The following ULK4 variants were observed in gnomAD, a reference collection of about 807,000 sequenced individuals.
ULK4 encodes unc-51 like kinase 4, also known as inactive serine/threonine-protein kinase ULK4.
In ULK4, 133 loss-of-function variants were observed where a neutral mutation model predicts 160.6. The ratio of observed to expected loss-of-function variants is 0.83; its 90% CI spans 0.72 to 0.96. The LOEUF (loss-of-function observed/expected upper bound fraction) is 0.96. Among genes scored for constraint, ULK4 ranks in the 40% least tolerant of loss-of-function variants. ULK4 has a pLI of 0.00. For synonymous variants in ULK4, 534 were observed against 539.8 expected, an observed-to-expected ratio of 0.99 and a Z score of 0.15; for missense variants, 1,580 against 1,499.5, an observed-to-expected ratio of 1.05 and a Z score of -0.89.
intron 35 of ULK4, among the ~76,000 whole-genome samples, chr3:41,391,211 A>T (rs1046088184): frequency 6.6e-6 from 1 of 152,140 alleles, no homozygotes; most frequent in African/African-American, 2.4e-5. Context: ...ATGCTTATCC[A>T]GTGGAACTAC....
chr3:41,772,049 A>G (rs1012787444), intron 21 of ULK4, among the ~76,000 whole-genome samples: 5 of 152,186 alleles, frequency 3.3e-5, no homozygotes, highest in East Asian at 1.9e-4. Context: ...TTATACCAGA[A>G]TCTCTGGGAC....
intron 17 of ULK4, among the ~76,000 whole-genome samples, chr3:41,853,859 C>T (rs147181395): frequency 1.2e-4 from 19 of 152,300 alleles, no homozygotes; most frequent in African/African-American, 4.1e-4. Flanking sequence ...GTTAAGTCTC[C>T]ACCCCAAAGT....
chr3:41,714,987 A>C (rs540706042), intron 25 of ULK4, among the ~76,000 whole-genome samples: 1 of 152,300 alleles, frequency 6.6e-6, no homozygotes, highest in East Asian at 1.9e-4. Context: ...AATCTATGAA[A>C]GTGTTTCTGT....
intron 29 of ULK4, among the ~76,000 whole-genome samples, chr3:41,676,359 A>G (rs2125782573): frequency 6.6e-6 from 1 of 152,334 alleles, no homozygotes; most frequent in African/African-American, 2.4e-5. Flanking sequence ...GCTCAGAAAG[A>G]TGTAAATGGG....
intron 29 of ULK4, among the ~76,000 whole-genome samples, chr3:41,668,209 G>C (rs1287882644): frequency 6.6e-6 from 1 of 152,094 alleles, no homozygotes; most frequent in Non-Finnish European, 1.5e-5. Context: ...AGTGATTCCA[G>C]AATAATCAGC....
intron 18 of ULK4, 38 bp downstream of exon 18, chr3:41,835,826 C>T: frequency 6.9e-7 from 1 of 1,454,604 alleles, no homozygotes; most frequent in Non-Finnish European, 9.5e-7. Context: ...TATGTCAGAA[C>T]ATGTCAAACA....
At chr3:41,741,351 A>G (rs2038232985) in intron 22 of ULK4, among the ~76,000 whole-genome samples, 1 of 151,976 alleles carries the variant, frequency 6.6e-6, no homozygotes, top group African/African-American at 2.4e-5. Context: ...ACATAACTTC[A>G]TAATTAATAT....
intron 2 of ULK4, among the ~76,000 whole-genome samples, chr3:41,947,586 G>A (rs1700151942): frequency 1.3e-5 from 2 of 152,164 alleles, no homozygotes; most frequent in Non-Finnish European, 2.9e-5. Context: ...GACATCATAG[G>A]CAATTGTGAG....
intron 31 of ULK4, among the ~76,000 whole-genome samples, chr3:41,585,156 GA>G (rs748693874): frequency 1.3e-5 from 2 of 150,174 alleles, no homozygotes; most frequent in African/African-American, 2.4e-5. Context: ...TGTAGAAATA[GA>G]AAAAAAAATC....
In ULK4 at chr3:41,246,776, G is replaced by C; in HGVS notation, c.*153C>G. On this transcript the variant is annotated 3_prime_UTR_variant, in exon 37 of 37. Transcript: ENST00000301831. The stretch of plus-strand genomic sequence containing the variant: ...CAGTTTTCTAGGCCCTGGGGTTAGT[G>C]AGCACTTGGGCCACCAGGTTCTGGG... 1 of 829,740 alleles carries C rather than the reference G, an allele frequency of 1.2e-6. No individual in the cohort carries two copies. Among genetic ancestry groups the C allele is most frequent in the South Asian group, 1.9e-5 (1 of 52,558 alleles). The allele number at this position is 829,740 out of a possible 1,614,324, so 51.4% of individuals were successfully genotyped here.
intron 12 of ULK4, among the ~76,000 whole-genome samples, chr3:41,906,552 G>A (rs528400435): frequency 6.6e-5 from 10 of 151,502 alleles, no homozygotes; most frequent in South Asian, 2.1e-4. Flanking sequence ...TAAACAAGGA[G>A]TTAACACATG....
intron 30 of ULK4, among the ~76,000 whole-genome samples, chr3:41,655,158 C>T (rs186048300): frequency 1.5e-3 from 225 of 151,412 alleles, no homozygotes; most frequent in African/African-American, 5.3e-3. Flanking sequence ...AAAAAAAAAT[C>T]GTTTAAATTA....
At chr3:41,697,264 G>A (rs183874877) in intron 27 of ULK4, among the ~76,000 whole-genome samples, 46 of 152,216 alleles carry the variant, frequency 3.0e-4, no homozygotes, top group South Asian at 6.2e-4. Flanking sequence ...GCACATGTAC[G>A]ATGACGGTCC....
chr3:41,494,522 G>C (rs1006466307), intron 32 of ULK4, among the ~76,000 whole-genome samples: 7 of 151,128 alleles, frequency 4.6e-5, no homozygotes, highest in African/African-American at 1.7e-4. Flanking sequence ...ACTGGCACAA[G>C]ACAGGGATGC....
intron 32 of ULK4, among the ~76,000 whole-genome samples, chr3:41,520,962 T>A (rs1474809517): frequency 6.6e-6 from 1 of 152,210 alleles, no homozygotes; most frequent in East Asian, 1.9e-4. Context: ...GGATATTAAT[T>A]CCTTATCAGA....
At chr3:41,686,757 C>T (rs1026477773) in intron 27 of ULK4, among the ~76,000 whole-genome samples, 1 of 152,048 alleles carries the variant, frequency 6.6e-6, no homozygotes, top group Admixed American at 6.6e-5. Context: ...AGTGAGGTGG[C>T]AGAGCTGGGC....
intron 19 of ULK4, 87 bp downstream of exon 19, chr3:41,819,336 G>A: frequency 7.8e-7 from 1 of 1,278,830 alleles, no homozygotes; most frequent in Non-Finnish European, 1.1e-6. Flanking sequence ...ACAAGCTCCT[G>A]CACTGCTGCA....
chr3:41,904,643 G>A (rs1446793792), intron 12 of ULK4, among the ~76,000 whole-genome samples: 1 of 152,024 alleles, frequency 6.6e-6, no homozygotes, highest in African/African-American at 2.4e-5. Context: ...AATTAGCACA[G>A]TGAGATTTTA....
chr3:41,674,371 C>G (rs1391948393), intron 29 of ULK4, among the ~76,000 whole-genome samples: 2 of 152,192 alleles, frequency 1.3e-5, no homozygotes, highest in Non-Finnish European at 2.9e-5. Context: ...TCAATTTAGG[C>G]TTCAGTTCTG....
Sources: gnomAD v4.1 joint callset for allele counts (sites outside exome capture counted in the v4.1 genomes callset) on GRCh38, gnomAD v4.1.1 for gene constraint, MANE v1.5 for transcripts, NCBI Gene and HGNC (gene_info 2026-07-23, HGNC 2026-07-21) for gene names.